Variants in ARL8B observed in about 807,000 individuals in gnomAD.
The protein encoded by ARL8B is ARF like GTPase 8B.
Under a neutral mutation model 30.6 loss-of-function variants are expected in ARL8B, and 9 were observed. That is an observed-to-expected ratio of 0.29 (90% CI 0.18 to 0.51). The LOEUF (loss-of-function observed/expected upper bound fraction) is 0.51. ARL8B is among the 20% of genes least tolerant of loss of function. The pLI, the probability that ARL8B is intolerant of heterozygous loss-of-function variation, is 0.97. For missense variants in ARL8B, 130 were observed against 227.2 expected, an observed-to-expected ratio of 0.57 and a Z score of 2.75; for synonymous variants, 74 against 76.0, an observed-to-expected ratio of 0.97 and a Z score of 0.14.
intron 1 of ARL8B, among the ~76,000 whole-genome samples, chr3:5,167,459 T>A (rs1027538276): frequency 6.6e-6 from 1 of 152,212 alleles, no homozygotes; most frequent in Non-Finnish European, 1.5e-5. Context: ...TACATAGGGT[T>A]AGGTTCTATC....
At chr3:5,159,531 G>A (rs1306510080) in intron 1 of ARL8B, among the ~76,000 whole-genome samples, 2 of 150,100 alleles carry the variant, frequency 1.3e-5, no homozygotes, top group Non-Finnish European at 3.0e-5. Flanking sequence ...GAACCTGGGA[G>A]GTGGAGTTTG....
rs769294698 is a variant in ARL8B, at chr3:5,122,379, G to A, written c.-87G>A. ...GCCGGGGCACCAAGGAGCCGTTGGA[G>A]GGTCCGGGCGGAGGCCCGCTCGTGT... On this transcript the variant is annotated 5_prime_UTR_variant, in exon 1 of 7. Coordinates refer to ENST00000256496, the MANE Select transcript of ARL8B (RefSeq NM_018184.3). 3 of 1,588,768 alleles carry A rather than the reference G, an allele frequency of 1.9e-6. No homozygotes were observed. The highest frequency in any genetic ancestry group is 3.5e-5 in the Admixed American group (2 of 56,960).
intron 4 of ARL8B, among the ~76,000 whole-genome samples, chr3:5,173,317 G>A (rs190617786): frequency 1.4e-4 from 22 of 152,320 alleles, no homozygotes; most frequent in Admixed American, 2.6e-4. Context: ...ATACATTTAG[G>A]AATTTGCATT....
rs575306005 is a variant in ARL8B at position 5,177,879 on chromosome 3, C to T, written c.512-785C>T. Among the ~76,000 whole-genome samples the T allele has an allele frequency of 2.0e-5, 3 of 152,316 alleles. No individual in the cohort carries two copies. The South Asian group carries it at 6.2e-4, about 32-fold the overall frequency. On this transcript the variant is annotated intron_variant, in intron 6 of 6. Transcript: ENST00000256496. ...GTCCCCATTTTAAGGTGCAGAGGTGCTTCTTCAGTAGTTGGGTTAAATCAT... is the reference window on the plus strand; with the variant it reads ...GTCCCCATTTTAAGGTGCAGAGGTGTTTCTTCAGTAGTTGGGTTAAATCAT...
At chr3:5,165,341 A>G (rs1017771535) in intron 1 of ARL8B, among the ~76,000 whole-genome samples, 2 of 152,224 alleles carry the variant, frequency 1.3e-5, no homozygotes, top group African/African-American at 4.8e-5. Flanking sequence ...AAAGCATAAT[A>G]CTAATTTGAA....
intron 1 of ARL8B, among the ~76,000 whole-genome samples, chr3:5,159,620 AAAAAAG>A (rs1306279265): frequency 2.0e-5 from 3 of 151,126 alleles, no homozygotes; most frequent in East Asian, 1.9e-4. Flanking sequence ...AAAAAAAAAA[AAAAAAG>A]AGAAAAAGAA....
intron 1 of ARL8B, among the ~76,000 whole-genome samples, chr3:5,154,037 T>C (rs2054511428): frequency 6.6e-6 from 1 of 152,202 alleles, no homozygotes; most frequent in Non-Finnish European, 1.5e-5. Context: ...CATTTCTCTT[T>C]GGCTGCTTTT....
intron 1 of ARL8B, among the ~76,000 whole-genome samples, chr3:5,160,914 G>GT (rs1330045663): frequency 6.6e-6 from 1 of 152,126 alleles, no homozygotes; most frequent in Admixed American, 6.6e-5. Context: ...TGCCACTAGT[G>GT]TTTTTTTGAG....
At chr3:5,140,148 TGTTGGTTCTTAGGGAACAAA>T (rs1274157280) in intron 1 of ARL8B, among the ~76,000 whole-genome samples, 2 of 152,134 alleles carry the variant, frequency 1.3e-5, no homozygotes, top group African/African-American at 4.8e-5. Context: ...AATGCTCTCC[TGTTGGTTCTTAGGGAACAAA>T]GTCTTCTGGT....
intron 1 of ARL8B, among the ~76,000 whole-genome samples, chr3:5,164,693 A>G (rs548904868): frequency 6.6e-6 from 1 of 152,212 alleles, no homozygotes; most frequent in Admixed American, 6.5e-5. Context: ...TTGATACATC[A>G]TAGATTTTAC....
intron 6 of ARL8B, among the ~76,000 whole-genome samples, chr3:5,176,212 C>G (rs368170547): frequency 6.6e-6 from 1 of 152,060 alleles, no homozygotes; most frequent in Non-Finnish European, 1.5e-5. Flanking sequence ...CCTTCCACCC[C>G]GCCTGCAAAC....
intron 1 of ARL8B, among the ~76,000 whole-genome samples, chr3:5,130,645 T>C (rs1328202312): frequency 1.3e-5 from 2 of 152,108 alleles, no homozygotes; most frequent in Non-Finnish European, 2.9e-5. Context: ...ATGATTCTCC[T>C]GCCTCAGCCT....
chr3:5,126,540 G>C (rs1436503244), intron 1 of ARL8B, among the ~76,000 whole-genome samples: 1 of 152,108 alleles, frequency 6.6e-6, no homozygotes, highest in Non-Finnish European at 1.5e-5. Flanking sequence ...TTACTCAAAA[G>C]GTTCATGAGA....
At chr3:5,173,891 C>G (rs1457689034) in intron 4 of ARL8B, 126 bp from the exon 5 acceptor site, 46 of 763,584 alleles carry the variant, frequency 6.0e-5, no homozygotes, top group Non-Finnish European at 1.0e-4. Flanking sequence ...ACCAGTTACA[C>G]AAATAGGCCT....
chr3:5,163,011 G>GA (rs946438202), intron 1 of ARL8B, among the ~76,000 whole-genome samples: 3 of 132,804 alleles, frequency 2.3e-5, no homozygotes, highest in African/African-American at 9.5e-5. Context: ...TTTTTGAGAC[G>GA]GAGTCTTGCT....
At chr3:5,169,950 T>A (rs994675245) in intron 1 of ARL8B, among the ~76,000 whole-genome samples, 12 of 152,338 alleles carry the variant, frequency 7.9e-5, no homozygotes, top group African/African-American at 2.6e-4. Context: ...TTGGAATACA[T>A]GTGTATGTGG....
chr3:5,152,549 A>G (rs1435271532), intron 1 of ARL8B, among the ~76,000 whole-genome samples: 1 of 152,050 alleles, frequency 6.6e-6, no homozygotes, highest in Non-Finnish European at 1.5e-5. Context: ...CAGTGATGTG[A>G]TCAAGGCTCA....
intron 1 of ARL8B, among the ~76,000 whole-genome samples, chr3:5,149,738 C>G (rs1189404880): frequency 6.6e-6 from 1 of 152,194 alleles, no homozygotes; most frequent in Non-Finnish European, 1.5e-5. Context: ...ATGAGCTGTG[C>G]AGTTTGTTAC....
chr3:5,140,558 G>A (rs1172092164), intron 1 of ARL8B, among the ~76,000 whole-genome samples: 1 of 144,432 alleles, frequency 6.9e-6, no homozygotes, highest in Non-Finnish European at 1.5e-5. Flanking sequence ...CACCTTCTTG[G>A]TTTTTTTTTT....
Sources: allele counts gnomAD v4.1 joint callset (sites outside exome capture counted in the v4.1 genomes callset), GRCh38; gene constraint gnomAD v4.1.1; transcripts MANE v1.5; gene names NCBI Gene and HGNC (gene_info 2026-07-23, HGNC 2026-07-21).